RBM19: variants seen among roughly 807,000 people sequenced by gnomAD.
RBM19 encodes probable RNA-binding protein 19.
RBM19 carries 94 observed loss-of-function variants against 116.8 expected under a neutral mutation model. The observed-to-expected ratio is 0.80, with a 90% CI of 0.68 to 0.95. RBM19 has a LOEUF of 0.95. Ranked by LOEUF, RBM19 falls within the 40% of genes least tolerant of loss-of-function variation. The probability of loss-of-function intolerance (pLI) is 0.00; values close to 1 mark genes in which losing one functional copy is unlikely to be tolerated. For missense variants in RBM19, 1,161 were observed against 1,220.7 expected (o/e 0.95, Z 0.73); for synonymous variants, 475 against 494.1 (o/e 0.96, Z 0.51).
intron 21 of RBM19, among the ~76,000 whole-genome samples, chr12:113,861,821 C>G (rs149357973): frequency 5.3e-5 from 8 of 152,108 alleles, no homozygotes; most frequent in African/African-American, 1.7e-4. Context: ...TACCAGGGAT[C>G]GTAGGCAGGG....
At position 113,852,087 on chromosome 12, in the gene RBM19, G is replaced by A. The variant is rs183157900; in HGVS notation, c.2664+6704C>T. On this transcript the variant is annotated intron_variant, in intron 22 of 23. Transcript: ENST00000261741. ...TTATTTTAATGCTGTTAAAAGGGAG[G>A]AAGGCTGTCAAACTTGGCTGGGAGT... is the stretch of plus-strand genomic sequence containing the variant. Among the ~76,000 whole-genome samples, 12 of 152,198 alleles carry A rather than the reference G, an allele frequency of 7.9e-5. No individual in the cohort carries two copies. The East Asian group carries it at 2.1e-3, about 27-fold the overall frequency.
At chr12:113,939,336 T>C (rs369838298) in intron 15 of RBM19, among the ~76,000 whole-genome samples, 3 of 151,636 alleles carry the variant, frequency 2.0e-5, no homozygotes, top group East Asian at 3.9e-4. Context: ...TTCAAAAAAA[T>C]AATGAACACA....
In RBM19 at chr12:113,877,975, A is replaced by G. The variant is rs1369780261; in HGVS notation, c.2559-19079T>C. On this transcript the variant is annotated intron_variant, in intron 21 of 23. Transcript: ENST00000261741. The stretch of plus-strand genomic sequence containing the variant: ...ATGGCCTACCGGCAGAATCTGGCCT[A>G]CTAAATATTTGGGGTAAATACAATT... Among the ~76,000 whole-genome samples, 5 of 152,316 alleles carry G rather than the reference A, an allele frequency of 3.3e-5. No individual in the cohort carries two copies. The South Asian group carries it at 6.2e-4, about 19-fold the overall frequency.
chr12:113,830,149 G>A (rs975151250), intron 23 of RBM19, among the ~76,000 whole-genome samples: 1 of 152,198 alleles, frequency 6.6e-6, no homozygotes, highest in African/African-American at 2.4e-5. Flanking sequence ...CGCAGAGGGG[G>A]ACACTAGCCC....
In RBM19 at chr12:113,898,808, C is replaced by A. The variant is rs1298158358; in HGVS notation, c.2558+16161G>T. 6.6e-6 allele frequency among the ~76,000 whole-genome samples: 1 copy of A among 152,142 alleles called. No homozygotes were observed. Among genetic ancestry groups the A allele is most frequent in the African/African-American group, 2.4e-5 (1 of 41,434 alleles). ...GCTACATCTTTCTAATATTAAAAACCCACATTCTGAATTTAGTTTCTGCAA... is the reference window on the plus strand; with the variant it reads ...GCTACATCTTTCTAATATTAAAAACACACATTCTGAATTTAGTTTCTGCAA... On this transcript the variant is annotated intron_variant, in intron 21 of 23. Coordinates refer to ENST00000261741, the MANE Select transcript of RBM19 (RefSeq NM_016196.4). The surrounding 1 kb of genome is among the most constrained non-coding windows in gnomAD (Gnocchi z 4.3).
chr12:113,842,632 C>T (rs776508426), intron 23 of RBM19, among the ~76,000 whole-genome samples: 14 of 152,236 alleles, frequency 9.2e-5, no homozygotes, highest in South Asian at 4.1e-4. Flanking sequence ...GGGGAAGGCA[C>T]GGGTCCAGAG....
At chr12:113,837,246 T>TACACATAC (rs1876036570) in intron 23 of RBM19, among the ~76,000 whole-genome samples, 1 of 126,806 alleles carries the variant, frequency 7.9e-6, no homozygotes, top group Non-Finnish European at 1.6e-5. Context: ...ATCCTCCTAA[T>TACACATAC]ACACACACAC....
chr12:113,820,628 G>T (rs1054393450), downstream of RBM19, among the ~76,000 whole-genome samples: 2 of 152,158 alleles, frequency 1.3e-5, no homozygotes, highest in African/African-American at 4.8e-5. Context: ...CAGCTGAGCC[G>T]GAAGAGAGGA....
chr12:113,924,665 A>G, intron 18 of RBM19, 32 bp downstream of exon 18: 2 of 1,517,948 alleles, frequency 1.3e-6, no homozygotes, highest in South Asian at 1.1e-5. Flanking sequence ...CCGGCTGAAT[A>G]CTGAACACTT....
At chr12:113,943,469 G>GA (rs1394891135) in intron 13 of RBM19, among the ~76,000 whole-genome samples, 1 of 150,138 alleles carries the variant, frequency 6.7e-6, no homozygotes, top group African/African-American at 2.5e-5. Context: ...ATTCCGTGAG[G>GA]AAAAAAAGAC....
chr12:113,858,766 G>C (rs555333596), intron 22 of RBM19, 25 bp downstream of exon 22: 1 of 1,608,064 alleles, frequency 6.2e-7, no homozygotes, highest in East Asian at 2.2e-5. Context: ...GCCTGGACAG[G>C]TGGGGAAGGG....
rs551832103 is a variant in RBM19, at chr12:113,830,010, C to A, written c.2786-6689G>T. Among the ~76,000 whole-genome samples the A allele has an allele frequency of 2.6e-5, 4 of 152,320 alleles. No individual in the cohort carries two copies. The East Asian group carries it at 7.7e-4, about 29-fold the overall frequency. ...CACCAGCTAGGCAACATCATTGTCC[C>A]ACTTTTCAGATGAGGAAGCAGCCGC... On this transcript the variant is annotated intron_variant, in intron 23 of 23. Transcript: ENST00000261741.
intron 7 of RBM19, among the ~76,000 whole-genome samples, chr12:113,953,324 C>T (rs1478931414): frequency 2.6e-5 from 4 of 152,262 alleles, no homozygotes; most frequent in East Asian, 1.9e-4. Context: ...GCTGTCTCTA[C>T]TAAAAATACA....
At chr12:113,955,049 C>T (rs891211760) in intron 7 of RBM19, 82 bp downstream of exon 7, 4 of 1,371,320 alleles carry the variant, frequency 2.9e-6, no homozygotes, top group Non-Finnish European at 4.2e-6. Flanking sequence ...CTAATGCCCC[C>T]ATGCACCAAA....
intron 1 of RBM19, among the ~76,000 whole-genome samples, chr12:113,965,858 GTC>G (rs1478674803): frequency 6.6e-6 from 1 of 152,192 alleles, no homozygotes; most frequent in Non-Finnish European, 1.5e-5. Context: ...GTCGGACCAT[GTC>G]CCGGGTCAAC....
At chr12:113,908,894 A>G (rs562488384) in intron 21 of RBM19, among the ~76,000 whole-genome samples, 1 of 152,386 alleles carries the variant, frequency 6.6e-6, no homozygotes, top group South Asian at 2.1e-4. Flanking sequence ...CCAGCTATGT[A>G]GCAGGCACCT....
chr12:113,922,167 C>T (rs972588566), intron 18 of RBM19, among the ~76,000 whole-genome samples: 13 of 152,158 alleles, frequency 8.5e-5, no homozygotes, highest in Admixed American at 5.2e-4. Context: ...AATGCCCCTC[C>T]AGGCACGGCA....
intron 21 of RBM19, among the ~76,000 whole-genome samples, chr12:113,908,808 C>T (rs1882242650): frequency 6.6e-6 from 1 of 152,204 alleles, no homozygotes; most frequent in African/African-American, 2.4e-5. Flanking sequence ...GTGCCTTACA[C>T]TTCGCGTTTC....
intron 21 of RBM19, among the ~76,000 whole-genome samples, chr12:113,892,833 C>T (rs1188472818): frequency 6.6e-6 from 1 of 152,032 alleles, no homozygotes; most frequent in Non-Finnish European, 1.5e-5. Flanking sequence ...AATATTTTTT[C>T]TTCTGATTCT....
Sources: allele counts gnomAD v4.1 joint callset (sites outside exome capture counted in the v4.1 genomes callset), GRCh38; gene constraint gnomAD v4.1.1; non-coding constraint Gnocchi (gnomAD v3.1); transcripts MANE v1.5; gene names NCBI Gene and HGNC (gene_info 2026-07-23, HGNC 2026-07-21).